Variants in CAST observed in about 807,000 individuals in gnomAD.
CAST encodes the protein calpastatin.
In CAST, 76 loss-of-function variants were observed where a neutral mutation model predicts 119.6. The observed-to-expected ratio is 0.64, with a 90% CI of 0.53 to 0.77. The LOEUF (loss-of-function observed/expected upper bound fraction) is 0.77. CAST is among the 30% of genes least tolerant of loss of function. The pLI, the probability that CAST is intolerant of heterozygous loss-of-function variation, is 0.00. For missense variants in CAST, 953 were observed against 946.5 expected (o/e 1.01, Z -0.09); for synonymous variants, 319 against 331.6 (o/e 0.96, Z 0.41).
At chr5:96,668,410 T>C (rs1467442122) in intron 1 of CAST, among the ~76,000 whole-genome samples, 1 of 152,168 alleles carries the variant, frequency 6.6e-6, no homozygotes, top group Non-Finnish European at 1.5e-5. Context: ...GAAAGTAAAA[T>C]ACTAAATTCT....
At chr5:96,474,043 T>A in the CAST span, among the ~76,000 whole-genome samples, 1 of 152,056 alleles carries the variant, frequency 6.6e-6, no homozygotes, top group African/African-American at 2.4e-5. Flanking sequence ...GAAGTTAGGC[T>A]GAGATGAAGC....
chr5:96,465,082 C>G, the CAST span, among the ~76,000 whole-genome samples: 1 of 151,898 alleles, frequency 6.6e-6, no homozygotes, highest in African/African-American at 2.4e-5. Context: ...GTCTGTTTTT[C>G]TCATAAATTT....
the CAST span, among the ~76,000 whole-genome samples, chr5:96,262,413 G>A: frequency 6.6e-6 from 1 of 152,188 alleles, no homozygotes; most frequent in Non-Finnish European, 1.5e-5. Context: ...CTTTCTTCAT[G>A]AGATTAAAAT....
intron 1 of CAST, among the ~76,000 whole-genome samples, chr5:96,552,930 C>CA (rs1012499101): frequency 3.3e-5 from 5 of 151,742 alleles, no homozygotes; most frequent in African/African-American, 9.7e-5. Flanking sequence ...AGCCTACTAA[C>CA]AAAAAAAAGT....
the CAST span, among the ~76,000 whole-genome samples, chr5:96,207,345 A>C: frequency 6.6e-6 from 1 of 152,018 alleles, no homozygotes; most frequent in African/African-American, 2.4e-5. Context: ...TGTGTTGAAT[A>C]AGAGTGGTGA....
In CAST at chr5:96,565,267, A is replaced by G. The variant is rs183937992; in HGVS notation, c.60+35387A>G. 2.3e-3 allele frequency among the ~76,000 whole-genome samples: 345 copies of G among 152,202 alleles called. 3 individuals are homozygous for G. The highest frequency in any genetic ancestry group is 7.9e-3 in the African/African-American group (330 of 41,550). On this transcript the variant is annotated intron_variant, in intron 1 of 11. Transcript: ENST00000505143. ...ATATATCATATAGAGAGGATTTTAAATGATATGATAAATATGAAGAAATAA... is the reference window on the plus strand; with the variant it reads ...ATATATCATATAGAGAGGATTTTAAGTGATATGATAAATATGAAGAAATAA...
At chr5:96,420,840 G>A in the CAST span, among the ~76,000 whole-genome samples, 7 of 152,046 alleles carry the variant, frequency 4.6e-5, no homozygotes, top group Non-Finnish European at 7.4e-5. Context: ...CCCAAGTTGG[G>A]TAACAGTCCA....
intron 16 of CAST, among the ~76,000 whole-genome samples, chr5:96,745,355 G>T (rs1207924355): frequency 6.6e-6 from 1 of 152,156 alleles, no homozygotes; most frequent in Non-Finnish European, 1.5e-5. Flanking sequence ...CAATCAGTGG[G>T]TTTAGTTACA....
At chr5:96,628,478 TAGG>T (rs1747764735) in intron 1 of CAST, among the ~76,000 whole-genome samples, 1 of 152,194 alleles carries the variant, frequency 6.6e-6, no homozygotes, top group South Asian at 2.1e-4. Flanking sequence ...ACATTAAAAA[TAGG>T]AGAAAATTTA....
chr5:96,441,831 C>A, the CAST span, among the ~76,000 whole-genome samples: 2 of 152,110 alleles, frequency 1.3e-5, no homozygotes, highest in Non-Finnish European at 2.9e-5. Context: ...TAGAAACAGC[C>A]TTTCTGTGAT....
chr5:96,550,070 C>T (rs377100804), intron 1 of CAST, among the ~76,000 whole-genome samples: 177 of 152,334 alleles, frequency 1.2e-3, no homozygotes, highest in African/African-American at 4.2e-3. Context: ...CCCAGCACAG[C>T]GTATGAGCTC....
the CAST span, among the ~76,000 whole-genome samples, chr5:96,298,120 G>C: frequency 6.6e-6 from 1 of 152,200 alleles, no homozygotes; most frequent in South Asian, 2.1e-4. Context: ...ATGACCCTAG[G>C]CCCACAGGAA....
At chr5:96,017,296 G>A in the CAST span, among the ~76,000 whole-genome samples, 17 of 152,266 alleles carry the variant, frequency 1.1e-4, no homozygotes, top group African/African-American at 3.9e-4. Flanking sequence ...TGTTATCAAA[G>A]CGCAGATCCT....
intron 2 of CAST, among the ~76,000 whole-genome samples, chr5:96,680,252 G>T (rs948292083): frequency 1.3e-5 from 2 of 150,948 alleles, no homozygotes; most frequent in Non-Finnish European, 2.9e-5. Context: ...CTATTCGGGA[G>T]GCTGAGGCAG....
chr5:95,988,500 A>G, the CAST span, among the ~76,000 whole-genome samples: 3 of 152,142 alleles, frequency 2.0e-5, no homozygotes, highest in Non-Finnish European at 4.4e-5. Context: ...TACATAGAAC[A>G]TGTTTGATGA....
the CAST span, among the ~76,000 whole-genome samples, chr5:96,359,035 A>T: frequency 4.6e-5 from 7 of 152,112 alleles, no homozygotes; most frequent in African/African-American, 7.2e-5. Context: ...TTGAGTGCAT[A>T]TATATTTAGG....
At chr5:95,973,481 G>T in the CAST span, 4 of 152,298 alleles carry the variant, frequency 2.6e-5, no homozygotes, top group African/African-American at 7.2e-5. Context: ...TCTGGCTCAG[G>T]GGTGGGGGTA....
At chr5:96,378,202 A>G in the CAST span, among the ~76,000 whole-genome samples, 1 of 152,144 alleles carries the variant, frequency 6.6e-6, no homozygotes, top group East Asian at 1.9e-4. Flanking sequence ...CAGTCAAAAG[A>G]TATAAAGTTT....
chr5:96,516,413 G>T, the CAST span, among the ~76,000 whole-genome samples: 1 of 152,056 alleles, frequency 6.6e-6, no homozygotes, highest in East Asian at 1.9e-4. Flanking sequence ...TACATTTTTG[G>T]CATGTTGGTT....
Sources: gnomAD v4.1 joint callset for allele counts (sites outside exome capture counted in the v4.1 genomes callset) on GRCh38, gnomAD v4.1.1 for gene constraint, MANE v1.5 for transcripts, NCBI Gene and HGNC (gene_info 2026-07-23, HGNC 2026-07-21) for gene names.